Variants in TNFRSF10B observed in about 807,000 individuals in gnomAD.
TNFRSF10B encodes the protein tumor necrosis factor receptor superfamily member 10B.
A neutral mutation model predicts 41.4 loss-of-function variants in TNFRSF10B; 35 were observed. The ratio of observed to expected loss-of-function variants is 0.85; its 90% CI spans 0.65 to 1.12. The LOEUF (loss-of-function observed/expected upper bound fraction) is 1.12. Among genes scored for constraint, TNFRSF10B ranks in the 50% most tolerant of loss-of-function variants. TNFRSF10B has a pLI of 0.00. For missense variants in TNFRSF10B, 584 were observed against 552.7 expected (o/e 1.06, Z -0.57); for synonymous variants, 230 against 215.5 (o/e 1.07, Z -0.59).
Position 23,040,281 on chromosome 8 carries a change from T to C in TNFRSF10B, c.250+2857A>G, listed in dbSNP as rs1259079559. Among the ~76,000 whole-genome samples the C allele has an allele frequency of 1.2e-4, 10 of 81,194 alleles. 4 individuals carry two copies. Among genetic ancestry groups the C allele is most frequent in the Non-Finnish European group, 2.9e-4 (10 of 34,238 alleles). The allele number at this position is 81,194 out of a possible 152,430, so 53.3% of individuals were successfully genotyped here. On this transcript the variant is annotated intron_variant, in intron 2 of 8. Coordinates refer to ENST00000276431, the MANE Select transcript of TNFRSF10B (RefSeq NM_003842.5). The stretch of plus-strand genomic sequence containing the variant: ...ATATTTATTAAATATATATATAATA[T>C]ATATTTATTAAATATATATAATATA...
At chr8:23,055,884 T>G (rs1437064076) in intron 1 of TNFRSF10B, among the ~76,000 whole-genome samples, 1 of 152,236 alleles carries the variant, frequency 6.6e-6, no homozygotes, top group Non-Finnish European at 1.5e-5. Flanking sequence ...CTTATGTCTT[T>G]AGATGAATGC....
chr8:23,026,718 T>C (rs17088895), intron 7 of TNFRSF10B, among the ~76,000 whole-genome samples: 6,866 of 152,324 alleles, frequency 0.045, 245 homozygotes, highest in South Asian at 0.16. Context: ...GGAATCCTAC[T>C]TTTTGGAAGC....
chr8:23,024,094 C>A, intron 8 of TNFRSF10B, 94 bp downstream of exon 8: 1 of 1,506,810 alleles, frequency 6.6e-7, no homozygotes, highest in Non-Finnish European at 9.2e-7. Context: ...GCATGGAATA[C>A]TCTGGAAGAG....
chr8:23,021,351 C>T lies in TNFRSF10B; in HGVS notation c.*1320G>A, dbSNP rs1811514272. ...GCAATCTGTACCCTAAAAGGCAGCT[C>T]ATGGGCTCAGGGTGACAGATAACCA... On this transcript the variant is annotated 3_prime_UTR_variant, in exon 9 of 9. Transcript: ENST00000276431. 2.2e-6 allele frequency: 1 copy of T among 453,996 alleles called. No individual in the cohort carries two copies. The highest frequency in any genetic ancestry group is 2.0e-5 in the African/African-American group (1 of 50,010). 28.1% of individuals were successfully genotyped at this position (453,996 alleles called of 1,614,324 possible).
intron 2 of TNFRSF10B, among the ~76,000 whole-genome samples, chr8:23,037,947 G>A (rs1297049097): frequency 6.6e-6 from 1 of 152,182 alleles, no homozygotes. Context: ...AGAGCTCTGA[G>A]TTTCAGAGGG....
chr8:23,040,728 C>T (rs1812170112), intron 2 of TNFRSF10B, among the ~76,000 whole-genome samples: 1 of 151,792 alleles, frequency 6.6e-6, no homozygotes, highest in African/African-American at 2.4e-5. Flanking sequence ...TGAGTAAAAA[C>T]AAACGCAAAA....
rs541880643 is a variant in TNFRSF10B at position 23,057,880 on chromosome 8, C to T, written c.144+10871G>A. Among the ~76,000 whole-genome samples, 60 of 152,300 alleles carry T rather than the reference C, an allele frequency of 3.9e-4. 1 individual carries two copies. The highest frequency in any genetic ancestry group is 1.2e-3 in the Admixed American group (18 of 15,306). On this transcript the variant is annotated intron_variant, in intron 1 of 8. Transcript: ENST00000276431. ...ATATTAAGATAGCCACAGCAGTTTT[C>T]TTAGGCTTATTACTTGAATGGTATA...
At chr8:23,058,985 C>T (rs923355281) in intron 1 of TNFRSF10B, among the ~76,000 whole-genome samples, 6 of 152,108 alleles carry the variant, frequency 3.9e-5, no homozygotes, top group Non-Finnish European at 5.9e-5. Flanking sequence ...ACTATCCATC[C>T]TCAGAAGTTA....
At chr8:23,068,599 TC>T (rs1183664291) in intron 1 of TNFRSF10B, 151 bp downstream of exon 1, 27 of 1,269,066 alleles carry the variant, frequency 2.1e-5, no homozygotes, top group Non-Finnish European at 3.2e-6. Context: ...ACCCATCTCT[TC>T]CCCCGACTCC....
chr8:23,023,318 G>A (rs918381616), intron 8 of TNFRSF10B, among the ~76,000 whole-genome samples: 3 of 152,184 alleles, frequency 2.0e-5, no homozygotes, highest in East Asian at 1.9e-4. Context: ...TGGCTGCAGC[G>A]GGAGCTTAGA....
intron 1 of TNFRSF10B, among the ~76,000 whole-genome samples, chr8:23,048,667 T>C (rs7834008): frequency 0.15 from 22,220 of 152,216 alleles, 2,132 homozygotes; most frequent in East Asian, 0.21. Context: ...GTTCTCACCA[T>C]AAAAATGTTA....
chr8:23,056,458 C>G (rs1423317064), intron 1 of TNFRSF10B, among the ~76,000 whole-genome samples: 1 of 152,064 alleles, frequency 6.6e-6, no homozygotes, highest in Admixed American at 6.6e-5. Flanking sequence ...TGAGACCAGC[C>G]TGACCAACAT....
At chr8:23,028,219 G>A (rs1312118472) in intron 5 of TNFRSF10B, 112 bp downstream of exon 5, 3 of 1,473,442 alleles carry the variant, frequency 2.0e-6, no homozygotes, top group Non-Finnish European at 2.8e-6. Context: ...GATAGAGCCA[G>A]GCTGGAGGCA....
chr8:23,052,551 G>T (rs931115556), intron 1 of TNFRSF10B, among the ~76,000 whole-genome samples: 1 of 152,134 alleles, frequency 6.6e-6, no homozygotes, highest in African/African-American at 2.4e-5. Flanking sequence ...CTCCCAAAGT[G>T]CTGGGATTAC....
intron 1 of TNFRSF10B, among the ~76,000 whole-genome samples, chr8:23,046,736 T>C (rs954692471): frequency 2.0e-5 from 3 of 151,826 alleles, no homozygotes; most frequent in Non-Finnish European, 4.4e-5. Context: ...TAAAACAGCA[T>C]GGCACGGGTA....
chr8:23,022,921 A>G lies in TNFRSF10B; in HGVS notation c.1073T>C (p.Met358Thr). The change falls in exon 9 of 9, where the codon ATG becomes ACG. Residue 358 changes from methionine (M) to threonine (T), a missense_variant. Transcript: ENST00000276431. ...LVPFDSWEPL[M>T]RKLGLMDNEI... is the part of the protein sequence containing the mutation. ...ATTGTCCATGAGGCCCAACTTCCTC[A>G]TGAGCGGCTCCCAGGAGTCAAAGGG... 1 of 1,613,950 alleles carries G rather than the reference A, an allele frequency of 6.2e-7. No homozygotes were observed.
chr8:23,064,109 A>G (rs1812913537), intron 1 of TNFRSF10B, among the ~76,000 whole-genome samples: 1 of 152,218 alleles, frequency 6.6e-6, no homozygotes, highest in African/African-American at 2.4e-5. Context: ...TTCCATTCAC[A>G]GGAGCTGAGG....
intron 2 of TNFRSF10B, among the ~76,000 whole-genome samples, chr8:23,039,622 G>C (rs1398538954): frequency 6.6e-6 from 1 of 152,106 alleles, no homozygotes; most frequent in African/African-American, 2.4e-5. Flanking sequence ...GAAACATCTA[G>C]GATAATATTT....
chr8:23,036,760 T>C lies in TNFRSF10B; in HGVS notation c.251-5888A>G, dbSNP rs62503608. Among the ~76,000 whole-genome samples, 34 of 152,282 alleles carry C rather than the reference T, an allele frequency of 2.2e-4. 1 individual carries two copies. In the Middle Eastern group the frequency reaches 0.027, roughly 122 times the overall value. On this transcript the variant is annotated intron_variant, in intron 2 of 8. Coordinates refer to ENST00000276431, the MANE Select transcript of TNFRSF10B (RefSeq NM_003842.5). ...TGGGAGGCTGAGGCAGGGGAATCAC[T>C]TGAACCCGGGAGGCAGAGGTTGTAG...
Sources: allele counts gnomAD v4.1 joint callset (sites outside exome capture counted in the v4.1 genomes callset), GRCh38; gene constraint gnomAD v4.1.1; transcripts MANE v1.5; gene names NCBI Gene and HGNC (gene_info 2026-07-23, HGNC 2026-07-21).